Variants in SNTG2 observed in about 807,000 individuals in gnomAD.
The protein encoded by SNTG2 is gamma-2-syntrophin.
In SNTG2, 74 loss-of-function variants were observed where a neutral mutation model predicts 70.9. The ratio of observed to expected loss-of-function variants is 1.04; its 90% CI spans 0.86 to 1.27. The LOEUF is 1.27. SNTG2 is among the 50% of genes most tolerant of loss of function. The probability of loss-of-function intolerance (pLI) is 0.00; values close to 1 mark genes in which losing one functional copy is unlikely to be tolerated. For missense variants in SNTG2, 717 were observed against 690.7 expected (o/e 1.04, Z -0.43); for synonymous variants, 278 against 273.8 (o/e 1.02, Z -0.15).
chr2:1,240,944 A>C (rs1677007780), intron 11 of SNTG2, among the ~76,000 whole-genome samples: 1 of 152,168 alleles, frequency 6.6e-6, no homozygotes, highest in Admixed American at 6.5e-5. Context: ...TTTCCCTACT[A>C]TGTGTTTTTG....
At chr2:1,123,981 G>A (rs553514250) in intron 4 of SNTG2, among the ~76,000 whole-genome samples, 1 of 152,292 alleles carries the variant, frequency 6.6e-6, no homozygotes, top group South Asian at 2.1e-4. Flanking sequence ...CTGGGGATTG[G>A]AGAATGGGGA....
intron 4 of SNTG2, among the ~76,000 whole-genome samples, chr2:1,136,303 C>G (rs4274631): frequency 0.83 from 126,090 of 151,244 alleles, 52,781 homozygotes; most frequent in East Asian, 0.94. Flanking sequence ...AACTGAGAGA[C>G]AGAGATAGAA....
At chr2:1,191,020 T>C (rs1456975060) in intron 8 of SNTG2, among the ~76,000 whole-genome samples, 1 of 152,054 alleles carries the variant, frequency 6.6e-6, no homozygotes, top group Non-Finnish European at 1.5e-5. Flanking sequence ...TGCAGCAAAA[T>C]TCACTGAAGC....
At chr2:1,074,528 G>T (rs1300451350) in intron 1 of SNTG2, among the ~76,000 whole-genome samples, 1 of 152,088 alleles carries the variant, frequency 6.6e-6, no homozygotes, top group Admixed American at 6.5e-5. Context: ...TTTGATAAAG[G>T]TATTGTTAAG....
intron 1 of SNTG2, among the ~76,000 whole-genome samples, chr2:1,057,523 G>T (rs920617483): frequency 4.6e-5 from 7 of 152,134 alleles, no homozygotes; most frequent in Non-Finnish European, 7.4e-5. Context: ...TCCAGTGCGG[G>T]AGAAAGATGC....
chr2:1,203,946 T>C (rs1032804428), intron 8 of SNTG2, among the ~76,000 whole-genome samples: 1 of 152,014 alleles, frequency 6.6e-6, no homozygotes, highest in Non-Finnish European at 1.5e-5. Flanking sequence ...TTTCAACAGG[T>C]GAATGGATAA....
chr2:1,331,522 G>T (rs1005012615), intron 16 of SNTG2, among the ~76,000 whole-genome samples: 1 of 152,152 alleles, frequency 6.6e-6, no homozygotes, highest in Non-Finnish European at 1.5e-5. Context: ...TTCTTTCCTT[G>T]CCTGGTAATC....
rs149226048 is a variant in SNTG2 at position 1,128,623 on chromosome 2, G to A, written c.326-8999G>A. ...CTGGTCTCCCTGCTTCTCTCAGACC[G>A]TCACAGTTTAATCTGAGTTTCCTGT... On this transcript the variant is annotated intron_variant, in intron 4 of 16. Transcript: ENST00000308624. Among the ~76,000 whole-genome samples the A allele has an allele frequency of 3.9e-3, 593 of 152,196 alleles. 2 individuals are homozygous for A. Among genetic ancestry groups the A allele is most frequent in the African/African-American group, 0.011 (444 of 41,534 alleles).
chr2:1,318,329 A>G (rs966529423), intron 16 of SNTG2, among the ~76,000 whole-genome samples: 1 of 152,262 alleles, frequency 6.6e-6, no homozygotes, highest in Non-Finnish European at 1.5e-5. Context: ...CATGTCACAC[A>G]TGGCATTTTT....
At chr2:1,156,385 T>C (rs28742101) in intron 6 of SNTG2, among the ~76,000 whole-genome samples, 146,570 of 152,196 alleles carry the variant, frequency 0.96, 70,778 homozygotes, top group East Asian at 1. Flanking sequence ...TCACTTTTAT[T>C]TGCACAGTGA....
intron 6 of SNTG2, among the ~76,000 whole-genome samples, chr2:1,144,287 C>T (rs28472577): frequency 0.56 from 84,702 of 151,908 alleles, 23,909 homozygotes; most frequent in East Asian, 0.83. Flanking sequence ...GTGCAACTGG[C>T]CAGAAATGGA....
chr2:1,203,671 A>ATAT (rs1553355231), intron 8 of SNTG2, among the ~76,000 whole-genome samples: 130 of 67,064 alleles, frequency 1.9e-3, no homozygotes, highest in Non-Finnish European at 2.9e-3. Context: ...AACAAAAAAA[A>ATAT]AAATATATAT....
intron 7 of SNTG2, among the ~76,000 whole-genome samples, chr2:1,166,746 A>G (rs1670733999): frequency 1.3e-5 from 2 of 152,240 alleles, no homozygotes; most frequent in African/African-American, 4.8e-5. Context: ...CTGGCCTACC[A>G]CGCCCCCATC....
chr2:1,307,468 A>G (rs537536800), intron 14 of SNTG2, among the ~76,000 whole-genome samples: 3 of 151,028 alleles, frequency 2.0e-5, no homozygotes, highest in Admixed American at 2.0e-4. Context: ...TATGCGAGAG[A>G]GAGAAGAGAG....
intron 2 of SNTG2, among the ~76,000 whole-genome samples, chr2:1,096,361 T>A (rs1244448056): frequency 6.6e-6 from 1 of 152,194 alleles, no homozygotes. Flanking sequence ...TAAGGTTTAT[T>A]CTCTTAGCAA....
At chr2:1,095,022 T>G (rs112747834) in intron 2 of SNTG2, among the ~76,000 whole-genome samples, 3,074 of 132,448 alleles carry the variant, frequency 0.023, 99 homozygotes, top group African/African-American at 0.074. Context: ...AGGCCTTATA[T>G]GTGTGTCCTC....
intron 15 of SNTG2, among the ~76,000 whole-genome samples, chr2:1,312,289 G>A (rs911025928): frequency 3.9e-5 from 6 of 152,088 alleles, no homozygotes; most frequent in Non-Finnish European, 5.9e-5. Context: ...CCTGCCCCAC[G>A]CAGGCGGGTC....
intron 7 of SNTG2, among the ~76,000 whole-genome samples, chr2:1,172,049 A>C (rs562933075): frequency 6.6e-6 from 1 of 152,346 alleles, no homozygotes; most frequent in African/African-American, 2.4e-5. Flanking sequence ...TGTGTCCACC[A>C]GGCTTTCTTC....
chr2:1,296,858 A>C (rs1680240986), intron 14 of SNTG2, among the ~76,000 whole-genome samples: 1 of 152,242 alleles, frequency 6.6e-6, no homozygotes, highest in African/African-American at 2.4e-5. Context: ...GGCTGACAAT[A>C]AATTGTATTT....
Sources: allele counts gnomAD v4.1 joint callset (sites outside exome capture counted in the v4.1 genomes callset), GRCh38; gene constraint gnomAD v4.1.1; transcripts MANE v1.5; gene names NCBI Gene and HGNC (gene_info 2026-07-23, HGNC 2026-07-21).